The following ST8SIA6 variants were observed in gnomAD, a reference collection of about 807,000 sequenced individuals.
The protein encoded by ST8SIA6 is ST8 alpha-N-acetyl-neuraminide alpha-2,8-sialyltransferase 6, also known as alpha-2,8-sialyltransferase 8F.
Under a neutral mutation model 33.6 loss-of-function variants are expected in ST8SIA6, and 39 were observed. The ratio of observed to expected loss-of-function variants is 1.16; its 90% CI spans 0.90 to 1.52. The LOEUF is 1.52. ST8SIA6 is among the 40% of genes most tolerant of loss of function. The pLI is 0.00. For missense variants in ST8SIA6, 441 were observed against 443.8 expected (o/e 0.99, Z 0.06); for synonymous variants, 172 against 167.2 (o/e 1.03, Z -0.22).
intron 4 of ST8SIA6, among the ~76,000 whole-genome samples, chr10:17,333,150 C>T (rs1048706514): frequency 2.6e-5 from 4 of 152,042 alleles, no homozygotes; most frequent in Non-Finnish European, 5.9e-5. Flanking sequence ...ACAATTGCCA[C>T]AAAGAATAAA....
At chr10:17,390,737 T>C in intron 2 of ST8SIA6, 117 bp from the exon 3 acceptor site, 1 of 727,900 alleles carries the variant, frequency 1.4e-6, no homozygotes, top group Non-Finnish European at 2.2e-6. Context: ...TCATCTTTAC[T>C]CCATTATTGG....
At chr10:17,411,208 T>C (rs1018513368) in intron 2 of ST8SIA6, among the ~76,000 whole-genome samples, 17 of 152,032 alleles carry the variant, frequency 1.1e-4, no homozygotes, top group African/African-American at 2.9e-4. Flanking sequence ...GTGTGTGTGA[T>C]AGAATTTCAC....
chr10:17,427,336 T>C (rs954832758), intron 2 of ST8SIA6, among the ~76,000 whole-genome samples: 2 of 152,214 alleles, frequency 1.3e-5, no homozygotes, highest in African/African-American at 4.8e-5. Flanking sequence ...TCTGTATTTC[T>C]AAGGAGTTCC....
chr10:17,400,134 C>T (rs1226832345), intron 2 of ST8SIA6, among the ~76,000 whole-genome samples: 1 of 152,098 alleles, frequency 6.6e-6, no homozygotes, highest in Admixed American at 6.6e-5. Flanking sequence ...TCATGCAGGA[C>T]ATAATTTGCA....
At chr10:17,445,797 AG>A (rs1420710787) in intron 2 of ST8SIA6, among the ~76,000 whole-genome samples, 1 of 152,208 alleles carries the variant, frequency 6.6e-6, no homozygotes, top group East Asian at 1.9e-4. Flanking sequence ...CCCTGAGGAT[AG>A]GAAGAGGGTG....
intron 3 of ST8SIA6, among the ~76,000 whole-genome samples, chr10:17,386,277 G>T (rs1383665818): frequency 6.6e-6 from 1 of 151,836 alleles, no homozygotes; most frequent in African/African-American, 2.4e-5. Context: ...AGATCACAAG[G>T]TCAGGAGTTC....
At chr10:17,439,667 A>G (rs191746858) in intron 2 of ST8SIA6, among the ~76,000 whole-genome samples, 3 of 152,260 alleles carry the variant, frequency 2.0e-5, no homozygotes, top group Admixed American at 2.0e-4. Context: ...GGTGCCAGCA[A>G]TCTCTAAGCT....
intron 2 of ST8SIA6, among the ~76,000 whole-genome samples, chr10:17,414,944 C>A (rs558485114): frequency 6.6e-6 from 1 of 152,044 alleles, no homozygotes; most frequent in South Asian, 2.1e-4. Flanking sequence ...AAATCAGTAA[C>A]CCCCAGTATG....
chr10:17,427,021 C>T lies in ST8SIA6; in HGVS notation c.200+26538G>A, dbSNP rs149723430. Among the ~76,000 whole-genome samples, 775 of 150,910 alleles carry T rather than the reference C, an allele frequency of 5.1e-3. 3 individuals are homozygous for T. The highest frequency in any genetic ancestry group is 0.013 in the Admixed American group (192 of 15,134). On this transcript the variant is annotated intron_variant, in intron 2 of 7. Transcript: ENST00000377602. Reference sequence around the variant, plus strand: ...GGAGGTTGAGACAGGAGAATAATAGCTTGAACCCGGAGGCGGAGGTTGCAA... The same window carrying T: ...GGAGGTTGAGACAGGAGAATAATAGTTTGAACCCGGAGGCGGAGGTTGCAA...
In ST8SIA6 at chr10:17,408,777, C is replaced by T. The variant is rs182566383; in HGVS notation, c.201-18157G>A. Among the ~76,000 whole-genome samples the T allele has an allele frequency of 1.9e-3, 286 of 151,560 alleles. 1 individual carries two copies. Among genetic ancestry groups the T allele is most frequent in the Non-Finnish European group, 5.9e-4 (40 of 67,892 alleles). ...TTTTATTTATTTATTTTTTTTGAGA[C>T]GGAGTTTCGCTCTTGTTACACAGGC... is the stretch of plus-strand genomic sequence containing the variant. On this transcript the variant is annotated intron_variant, in intron 2 of 7. Coordinates refer to ENST00000377602, the MANE Select transcript of ST8SIA6 (RefSeq NM_001004470.3).
chr10:17,398,276 G>A (rs1031405388), intron 2 of ST8SIA6, among the ~76,000 whole-genome samples: 2 of 151,668 alleles, frequency 1.3e-5, no homozygotes, highest in African/African-American at 2.4e-5. Flanking sequence ...GCAGTGAGCC[G>A]AGATTGCACC....
At chr10:17,405,758 T>C (rs575775750) in intron 2 of ST8SIA6, among the ~76,000 whole-genome samples, 1 of 151,678 alleles carries the variant, frequency 6.6e-6, no homozygotes, top group Non-Finnish European at 1.5e-5. Flanking sequence ...AGTGGGTGCC[T>C]GTAGTGCCCC....
At chr10:17,377,107 T>C (rs1849943661) in intron 3 of ST8SIA6, among the ~76,000 whole-genome samples, 1 of 152,184 alleles carries the variant, frequency 6.6e-6, no homozygotes, top group Non-Finnish European at 1.5e-5. Context: ...ACCATCATGA[T>C]TTGTTCCTGC....
At position 17,353,218 on chromosome 10, in the gene ST8SIA6, A is replaced by T. The variant is rs536847069; in HGVS notation, c.377+6296T>A. Among the ~76,000 whole-genome samples, 125 of 152,348 alleles carry T rather than the reference A, an allele frequency of 8.2e-4. 1 individual carries two copies. The highest frequency in any genetic ancestry group is 1.0e-3 in the Non-Finnish European group (69 of 68,006). On this transcript the variant is annotated intron_variant, in intron 4 of 7. Transcript: ENST00000377602. ...CTCACAAAACACTTACCAAAGTCAG[A>T]CAATACTGTTGCTTTTGCAGAAATA...
At chr10:17,432,549 A>G (rs1852134353) in intron 2 of ST8SIA6, among the ~76,000 whole-genome samples, 1 of 152,226 alleles carries the variant, frequency 6.6e-6, no homozygotes, top group Admixed American at 6.5e-5. Context: ...AATATAGCCA[A>G]CAAATGCAGT....
intron 7 of ST8SIA6, 60 bp downstream of exon 7, chr10:17,323,005 G>T: frequency 6.8e-7 from 1 of 1,469,976 alleles, no homozygotes; most frequent in Non-Finnish European, 9.4e-7. Flanking sequence ...CTTAAGCTGA[G>T]AAACATGTTG....
chr10:17,437,712 TTCCCTTCCC>T (rs369058675), intron 2 of ST8SIA6, among the ~76,000 whole-genome samples: 9 of 146,686 alleles, frequency 6.1e-5, no homozygotes, highest in Admixed American at 4.8e-4. Flanking sequence ...CTTCCCTTCC[TTCCCTTCCC>T]TCCCTTCCCT....
chr10:17,355,671 G>A (rs1048151393), intron 4 of ST8SIA6, among the ~76,000 whole-genome samples: 5 of 152,068 alleles, frequency 3.3e-5, no homozygotes, highest in East Asian at 1.9e-4. Context: ...TATGCTGTCC[G>A]AATACTTTCC....
intron 2 of ST8SIA6, among the ~76,000 whole-genome samples, chr10:17,401,663 A>G (rs1851047968): frequency 6.6e-6 from 1 of 152,236 alleles, no homozygotes; most frequent in Non-Finnish European, 1.5e-5. Context: ...CAAACCTGAC[A>G]AAAACAAGAA....
Sources: gnomAD v4.1 joint callset for allele counts (sites outside exome capture counted in the v4.1 genomes callset) on GRCh38, gnomAD v4.1.1 for gene constraint, MANE v1.5 for transcripts, NCBI Gene and HGNC (gene_info 2026-07-23, HGNC 2026-07-21) for gene names.